The following PITPNC1 variants were observed in gnomAD, a reference collection of about 807,000 sequenced individuals.
PITPNC1 encodes cytoplasmic phosphatidylinositol transfer protein 1.
PITPNC1 carries 18 observed loss-of-function variants against 44.7 expected under a neutral mutation model. The ratio of observed to expected loss-of-function variants is 0.40; its 90% CI spans 0.28 to 0.60. The LOEUF is 0.60. Among genes scored for constraint, PITPNC1 ranks in the 20% least tolerant of loss-of-function variants. PITPNC1 has a pLI of 0.39. For synonymous variants in PITPNC1, 141 were observed against 149.6 expected, an observed-to-expected ratio of 0.94 and a Z score of 0.42; for missense variants, 290 against 418.4, an observed-to-expected ratio of 0.69 and a Z score of 2.68.
chr17:67,621,414 G>A (rs992971843), intron 5 of PITPNC1, among the ~76,000 whole-genome samples: 3 of 151,912 alleles, frequency 2.0e-5, no homozygotes, highest in Non-Finnish European at 4.4e-5. Context: ...CGCCATGTTG[G>A]CCAGGCTGGT....
intron 6 of PITPNC1, among the ~76,000 whole-genome samples, chr17:67,654,980 C>T (rs541206784): frequency 2.8e-4 from 42 of 152,322 alleles, no homozygotes; most frequent in African/African-American, 9.6e-4. Context: ...AAGCTCTCCT[C>T]TGATCAATTG....
intron 1 of PITPNC1, among the ~76,000 whole-genome samples, chr17:67,395,607 A>C (rs959238834): frequency 6.6e-6 from 1 of 152,200 alleles, no homozygotes; most frequent in South Asian, 2.1e-4. Context: ...ACTTAAAATA[A>C]TAACAGTGAT....
intron 2 of PITPNC1, among the ~76,000 whole-genome samples, chr17:67,534,658 GAAAA>G (rs2144131958): frequency 6.6e-6 from 1 of 151,618 alleles, no homozygotes; most frequent in South Asian, 2.1e-4. Context: ...GAAAAGAAAA[GAAAA>G]GAAAAGAATA....
chr17:67,434,074 C>G (rs532688634), intron 1 of PITPNC1, among the ~76,000 whole-genome samples: 2 of 152,152 alleles, frequency 1.3e-5, no homozygotes, highest in African/African-American at 2.4e-5. Flanking sequence ...AGGAGCAAGG[C>G]CAGAGCTCAG....
intron 1 of PITPNC1, among the ~76,000 whole-genome samples, chr17:67,441,659 C>T (rs1398750752): frequency 6.6e-6 from 1 of 152,186 alleles, no homozygotes; most frequent in Non-Finnish European, 1.5e-5. Context: ...AATTATTCTT[C>T]TCCCTGTTCC....
At chr17:67,645,735 G>A (rs551137133) in intron 6 of PITPNC1, among the ~76,000 whole-genome samples, 76 of 152,304 alleles carry the variant, frequency 5.0e-4, no homozygotes, top group Middle Eastern at 3.4e-3. Context: ...AGCTACTAGC[G>A]TTAATTATAA....
chr17:67,665,321 G>A (rs2042406743), intron 6 of PITPNC1, among the ~76,000 whole-genome samples: 1 of 152,100 alleles, frequency 6.6e-6, no homozygotes, highest in East Asian at 1.9e-4. Flanking sequence ...TTAAACTCCT[G>A]GACTCAAGTG....
intron 1 of PITPNC1, among the ~76,000 whole-genome samples, chr17:67,418,383 A>C (rs1181430355): frequency 1.3e-5 from 2 of 152,224 alleles, no homozygotes; most frequent in Non-Finnish European, 2.9e-5. Flanking sequence ...AAAGATAAAC[A>C]ATGGGAGAAA....
chr17:67,400,020 T>C (rs1404654910), intron 1 of PITPNC1, among the ~76,000 whole-genome samples: 1 of 152,242 alleles, frequency 6.6e-6, no homozygotes, highest in Non-Finnish European at 1.5e-5. Flanking sequence ...CGGAGCCTAC[T>C]CTGCAAATAC....
chr17:67,543,976 G>A (rs1251618942), intron 2 of PITPNC1, among the ~76,000 whole-genome samples: 1 of 152,100 alleles, frequency 6.6e-6, no homozygotes, highest in Non-Finnish European at 1.5e-5. Flanking sequence ...TCAGCCTCCT[G>A]AGTAGCTGGG....
chr17:67,392,183 A>C (rs984911198), intron 1 of PITPNC1, among the ~76,000 whole-genome samples: 1 of 152,206 alleles, frequency 6.6e-6, no homozygotes, highest in Admixed American at 6.5e-5. Context: ...TGTCTTTGGC[A>C]CATTTAGTTG....
intron 1 of PITPNC1, among the ~76,000 whole-genome samples, chr17:67,512,236 C>T (rs1197999716): frequency 6.6e-6 from 1 of 152,170 alleles, no homozygotes; most frequent in Non-Finnish European, 1.5e-5. Flanking sequence ...CAGTGGCTCA[C>T]GCCTGTAATC....
chr17:67,532,239 C>T (rs1156645476), intron 1 of PITPNC1, among the ~76,000 whole-genome samples: 1 of 152,110 alleles, frequency 6.6e-6, no homozygotes, highest in Admixed American at 6.5e-5. Flanking sequence ...GAGCCGGGGC[C>T]TCTGGAGCTT....
chr17:67,379,337 A>AG, intron 1 of PITPNC1: 1 of 985,492 alleles, frequency 1.0e-6, no homozygotes, highest in South Asian at 4.7e-5. Flanking sequence ...CATAACTGAG[A>AG]ACATGGCTGA....
chr17:67,407,436 T>C (rs1025180634), intron 1 of PITPNC1, among the ~76,000 whole-genome samples: 2 of 152,202 alleles, frequency 1.3e-5, no homozygotes, highest in Admixed American at 6.5e-5. Context: ...TTTGCAAATA[T>C]TTTCTTCCAT....
chr17:67,502,795 A>G (rs1486791713), intron 1 of PITPNC1, among the ~76,000 whole-genome samples: 1 of 150,362 alleles, frequency 6.7e-6, no homozygotes, highest in Non-Finnish European at 1.5e-5. Context: ...ATTGTATTGT[A>G]TTGTATTGTA....
At chr17:67,523,433 T>C (rs1157845675) in intron 1 of PITPNC1, among the ~76,000 whole-genome samples, 3 of 152,050 alleles carry the variant, frequency 2.0e-5, no homozygotes, top group Non-Finnish European at 4.4e-5. Flanking sequence ...GAAGGAGCAG[T>C]GGTGAGGGCA....
rs1438840528 is a variant in PITPNC1, at chr17:67,682,963, C to G, written c.682+7421C>G. On this transcript the variant is annotated intron_variant, in intron 8 of 8. Coordinates refer to ENST00000581322, the MANE Select transcript of PITPNC1 (RefSeq NM_012417.4). The stretch of plus-strand genomic sequence containing the variant: ...AATCACAAGGTCAGGAGTTCGCGAC[C>G]AGCCTGGCCAACATGGTGAAACCCC... 2.0e-5 allele frequency among the ~76,000 whole-genome samples: 3 copies of G among 151,958 alleles called. No individual in the cohort carries two copies. The East Asian group carries it at 5.8e-4, about 29-fold the overall frequency.
At chr17:67,385,256 C>G (rs2038024629) in intron 1 of PITPNC1, among the ~76,000 whole-genome samples, 1 of 152,090 alleles carries the variant, frequency 6.6e-6, no homozygotes, top group Admixed American at 6.6e-5. Context: ...CCAATCAGGT[C>G]TCTGTGGCTA....
Sources: allele counts gnomAD v4.1 joint callset (sites outside exome capture counted in the v4.1 genomes callset), GRCh38; gene constraint gnomAD v4.1.1; transcripts MANE v1.5; gene names NCBI Gene and HGNC (gene_info 2026-07-23, HGNC 2026-07-21).